The following ROBO2 variants were observed in gnomAD, a reference collection of about 807,000 sequenced individuals.
ROBO2 encodes the protein roundabout homolog 2.
A neutral mutation model predicts 160.8 loss-of-function variants in ROBO2; 53 were observed. That is an observed-to-expected ratio of 0.33 (90% CI 0.26 to 0.41). The LOEUF (loss-of-function observed/expected upper bound fraction) is 0.41. ROBO2 is among the 10% of genes least tolerant of loss of function. The pLI, the probability that ROBO2 is intolerant of heterozygous loss-of-function variation, is 1.00. For missense variants in ROBO2, 1,577 were observed against 1,722.4 expected (o/e 0.92, Z 1.49); for synonymous variants, 664 against 611.7 (o/e 1.09, Z -1.26).
At chr3:76,956,065 CTACTT>C (rs761604034) in intron 2 of ROBO2, among the ~76,000 whole-genome samples, 63 of 152,166 alleles carry the variant, frequency 4.1e-4, no homozygotes, top group Non-Finnish European at 7.2e-4. Context: ...ACCACTGTCT[CTACTT>C]TACGCCCTCC....
intron 2 of ROBO2, among the ~76,000 whole-genome samples, chr3:76,645,449 C>T (rs529896979): frequency 3.4e-4 from 52 of 152,214 alleles, no homozygotes; most frequent in African/African-American, 9.4e-4. Context: ...GAGAGGATAT[C>T]GAAAATCAGC....
At chr3:77,141,202 GT>G in intron 2 of ROBO2, among the ~76,000 whole-genome samples, 2 of 152,218 alleles carry the variant, frequency 1.3e-5, no homozygotes, top group Admixed American at 1.3e-4. Flanking sequence ...AATGTAATGC[GT>G]TGTGAGTCTA....
chr3:76,717,838 A>T (rs2093406382), intron 2 of ROBO2, among the ~76,000 whole-genome samples: 1 of 152,194 alleles, frequency 6.6e-6, no homozygotes. Flanking sequence ...TGCAGGTAAC[A>T]CAGAGGATCA....
At chr3:77,102,606 A>G (rs183958951) in intron 2 of ROBO2, among the ~76,000 whole-genome samples, 2 of 152,284 alleles carry the variant, frequency 1.3e-5, no homozygotes, top group Non-Finnish European at 1.5e-5. Context: ...GTCATTTTTA[A>G]TTTCAAAAAT....
intron 2 of ROBO2, among the ~76,000 whole-genome samples, chr3:77,176,831 G>T (rs979948234): frequency 1.3e-5 from 2 of 151,916 alleles, no homozygotes; most frequent in Non-Finnish European, 2.9e-5. Context: ...ATCAAGGGTT[G>T]TTTCTTATAT....
At chr3:76,194,173 TTTC>T (rs560306139) in intron 2 of ROBO2, among the ~76,000 whole-genome samples, 27 of 151,590 alleles carry the variant, frequency 1.8e-4, no homozygotes, top group East Asian at 3.9e-4. Flanking sequence ...TATGGGGGTG[TTTC>T]TTCTTCTTCT....
intron 2 of ROBO2, among the ~76,000 whole-genome samples, chr3:76,227,361 CATTT>C (rs1458386293): frequency 6.6e-6 from 1 of 152,098 alleles, no homozygotes; most frequent in African/African-American, 2.4e-5. Flanking sequence ...AGCATTCCTT[CATTT>C]ATTCTTTTTC....
At chr3:76,327,171 C>T (rs1460539628) in intron 2 of ROBO2, among the ~76,000 whole-genome samples, 1 of 152,058 alleles carries the variant, frequency 6.6e-6, no homozygotes, top group African/African-American at 2.4e-5. Flanking sequence ...ACATGCCAAA[C>T]TGATTTGAGT....
chr3:76,356,327 T>C (rs1033012059), intron 2 of ROBO2, among the ~76,000 whole-genome samples: 7 of 151,094 alleles, frequency 4.6e-5, no homozygotes, highest in Non-Finnish European at 1.0e-4. Context: ...TACAGCTAAA[T>C]ACAATTATAT....
At chr3:76,643,688 C>T (rs1331029285) in intron 2 of ROBO2, among the ~76,000 whole-genome samples, 1 of 152,048 alleles carries the variant, frequency 6.6e-6, no homozygotes. Context: ...TCTTAAAATA[C>T]ACTATAGGAA....
At chr3:77,473,381 C>T in intron 2 of ROBO2, among the ~76,000 whole-genome samples, 1 of 150,846 alleles carries the variant, frequency 6.6e-6, no homozygotes, top group African/African-American at 2.4e-5. Context: ...CTGCGGCATT[C>T]ACCCGTGCAA....
At chr3:76,285,206 A>T (rs971088609) in intron 2 of ROBO2, among the ~76,000 whole-genome samples, 1 of 152,172 alleles carries the variant, frequency 6.6e-6, no homozygotes, top group African/African-American at 2.4e-5. Context: ...GATAAATGCT[A>T]GACAGATGTA....
At chr3:76,801,522 C>T (rs2064192743) in intron 2 of ROBO2, among the ~76,000 whole-genome samples, 1 of 151,848 alleles carries the variant, frequency 6.6e-6, no homozygotes, top group South Asian at 2.1e-4. Flanking sequence ...GCAAATATCT[C>T]ATGTACCCCA....
intron 2 of ROBO2, among the ~76,000 whole-genome samples, chr3:76,597,547 CAAT>C (rs112001398): frequency 0.044 from 6,629 of 152,098 alleles, 404 homozygotes; most frequent in African/African-American, 0.14. Flanking sequence ...CCTAAAACAA[CAAT>C]GAGGTTCACT....
At chr3:77,016,166 C>A (rs964175932) in intron 2 of ROBO2, among the ~76,000 whole-genome samples, 1 of 151,904 alleles carries the variant, frequency 6.6e-6, no homozygotes, top group Non-Finnish European at 1.5e-5. Flanking sequence ...TTAGTAGAGA[C>A]GGGGTTTCAC....
At chr3:77,020,768 G>A (rs1026356792) in intron 2 of ROBO2, among the ~76,000 whole-genome samples, 3 of 152,160 alleles carry the variant, frequency 2.0e-5, no homozygotes, top group Admixed American at 6.5e-5. Context: ...AAAATGGGAA[G>A]ACATTAAAAT....
intron 2 of ROBO2, among the ~76,000 whole-genome samples, chr3:76,208,729 C>T (rs543654136): frequency 6.6e-4 from 100 of 152,236 alleles, no homozygotes; most frequent in African/African-American, 2.0e-3. Flanking sequence ...CCCTTAGATA[C>T]GATTTGTACC....
At chr3:76,312,477 G>T (rs1315361784) in intron 2 of ROBO2, among the ~76,000 whole-genome samples, 1 of 152,162 alleles carries the variant, frequency 6.6e-6, no homozygotes, top group South Asian at 2.1e-4. Flanking sequence ...TCTGCCTACT[G>T]TACCTTTGAG....
In ROBO2 at chr3:76,446,200, T is replaced by A. The variant is rs529225682; in HGVS notation, c.109+508598T>A. On this transcript the variant is annotated intron_variant, in intron 2 of 26. Coordinates refer to the ROBO2 transcript ENST00000487694. Reference sequence around the variant, plus strand: ...AAGCAACTTCAGCAAAGTCTCAGGATACAAAATCAATGTGCAAAAATCACA... The same window carrying A: ...AAGCAACTTCAGCAAAGTCTCAGGAAACAAAATCAATGTGCAAAAATCACA... Among the ~76,000 whole-genome samples the A allele has an allele frequency of 4.3e-4, 66 of 152,244 alleles. 1 individual carries two copies. The East Asian group carries it at 0.012, about 29-fold the overall frequency.
Sources: gnomAD v4.1 joint callset for allele counts (sites outside exome capture counted in the v4.1 genomes callset) on GRCh38, gnomAD v4.1.1 for gene constraint, MANE v1.5 for transcripts, NCBI Gene and HGNC (gene_info 2026-07-23, HGNC 2026-07-21) for gene names.